The following MAPK6 variants were observed in gnomAD, a reference collection of about 807,000 sequenced individuals.
The protein encoded by MAPK6 is ERK-3.
A neutral mutation model predicts 59.3 loss-of-function variants in MAPK6; 19 were observed. The ratio of observed to expected loss-of-function variants is 0.32; its 90% CI spans 0.22 to 0.47. The LOEUF (loss-of-function observed/expected upper bound fraction) is 0.47. Ranked by LOEUF, MAPK6 falls within the 20% of genes least tolerant of loss-of-function variation. The pLI is 1.00. For missense variants in MAPK6, 724 were observed against 847.9 expected (o/e 0.85, Z 1.81); for synonymous variants, 316 against 290.3 (o/e 1.09, Z -0.90).
intron 2 of MAPK6, among the ~76,000 whole-genome samples, chr15:51,994,462 G>T (rs1490963955): frequency 2.6e-5 from 4 of 152,164 alleles, no homozygotes; most frequent in Non-Finnish European, 5.9e-5. Flanking sequence ...GTTCGTCTGA[G>T]GTTTCATCAT....
intron 3 of MAPK6, among the ~76,000 whole-genome samples, chr15:52,006,901 G>A (rs2029904961): frequency 1.3e-5 from 2 of 152,060 alleles, no homozygotes; most frequent in Non-Finnish European, 2.9e-5. Flanking sequence ...ACTGAGTTAT[G>A]TTCCCAAAAG....
chr15:52,058,859 G>A, intron 4 of MAPK6, 62 bp downstream of exon 4: 1 of 1,392,606 alleles, frequency 7.2e-7, no homozygotes, highest in Non-Finnish European at 9.6e-7. Flanking sequence ...ATCTGTGTAG[G>A]GAAGCTGGAG....
chr15:52,031,207 A>G (rs963072112), intron 1 of MAPK6, among the ~76,000 whole-genome samples: 1 of 152,186 alleles, frequency 6.6e-6, no homozygotes. Flanking sequence ...TGCCGGGACT[A>G]CAGGTGTGAG....
chr15:52,020,897 G>A (rs1345050134), intron 1 of MAPK6, among the ~76,000 whole-genome samples: 1 of 152,184 alleles, frequency 6.6e-6, no homozygotes, highest in African/African-American at 2.4e-5. Flanking sequence ...CCTGAATTCA[G>A]TAATTGCAGT....
intron 1 of MAPK6, among the ~76,000 whole-genome samples, chr15:52,029,133 G>A (rs1450698872): frequency 6.6e-6 from 1 of 152,184 alleles, no homozygotes; most frequent in Non-Finnish European, 1.5e-5. Flanking sequence ...CATCTACTGG[G>A]TTCAAGTGAT....
intron 1 of MAPK6, among the ~76,000 whole-genome samples, chr15:51,972,132 C>G (rs1378010806): frequency 1.3e-5 from 2 of 149,460 alleles, no homozygotes; most frequent in Non-Finnish European, 1.5e-5. Context: ...TCATCCCAAA[C>G]CCCTTTACCC....
At chr15:52,031,284 G>A (rs2031023366) in intron 1 of MAPK6, among the ~76,000 whole-genome samples, 1 of 152,224 alleles carries the variant, frequency 6.6e-6, no homozygotes, top group Non-Finnish European at 1.5e-5. Context: ...AGGTTGGGGA[G>A]TGAAGGGAGA....
chr15:51,998,687 A>ATT lies in MAPK6; in HGVS notation c.-769-5558_-769-5557dup, dbSNP rs964775744. 5.5e-3 allele frequency among the ~76,000 whole-genome samples: 212 copies of ATT among 38,492 alleles called. 52 individuals are homozygous for ATT. Among genetic ancestry groups the ATT allele is most frequent in the African/African-American group, 0.015 (175 of 11,372 alleles). 25.3% of individuals were successfully genotyped at this position (38,492 alleles called of 152,430 possible). ...AGGCGTGCGCCACCATGCCTGGTTA[A>ATT]TTTTTTTTTTTTTTTTTTTTTGAGA... is the stretch of plus-strand genomic sequence containing the variant. On this transcript the variant is annotated intron_variant, in intron 2 of 7. Transcript: ENST00000691380.
chr15:52,003,217 A>T (rs1337048262), intron 2 of MAPK6, among the ~76,000 whole-genome samples: 1 of 152,052 alleles, frequency 6.6e-6, no homozygotes, highest in Non-Finnish European at 1.5e-5. Context: ...AAACAAAAAA[A>T]ACACGATCAG....
intron 2 of MAPK6, among the ~76,000 whole-genome samples, chr15:52,002,485 T>G (rs2057244825): frequency 6.6e-6 from 1 of 152,192 alleles, no homozygotes; most frequent in Non-Finnish European, 1.5e-5. Flanking sequence ...GAGACGGACT[T>G]CAGTGTACAG....
At chr15:52,012,985 T>C (rs762061855) in intron 3 of MAPK6, among the ~76,000 whole-genome samples, 5 of 29,538 alleles carry the variant, frequency 1.7e-4, no homozygotes, top group Non-Finnish European at 3.0e-4. Flanking sequence ...AGACTCCGCC[T>C]GGAAAAAAAA....
rs1479118776 is a variant in MAPK6, at chr15:52,065,709, AATT to A, written c.*711_*713del. On this transcript the variant is annotated 3_prime_UTR_variant, in exon 6 of 6. Transcript: ENST00000261845. The stretch of plus-strand genomic sequence containing the variant: ...ATATTTTCTGTATTTAATTATAAAA[AATT>A]AACTTAGTTTTTAAAATTTATTTGC... The A allele has an allele frequency of 6.7e-6, 1 of 149,966 alleles. No homozygotes were observed. The highest frequency in any genetic ancestry group is 2.5e-5 in the African/African-American group (1 of 40,460). 9.3% of individuals were successfully genotyped at this position (149,966 alleles called of 1,614,324 possible). A position where few individuals can be genotyped will look rare whatever the true frequency, so the allele number is the denominator to read the frequency against.
At chr15:51,975,295 C>T (rs1393924151) in intron 1 of MAPK6, among the ~76,000 whole-genome samples, 1 of 151,744 alleles carries the variant, frequency 6.6e-6, no homozygotes, top group South Asian at 2.1e-4. Flanking sequence ...GTAATCCCAG[C>T]ACTTTGGGAG....
At chr15:52,010,071 T>A (rs2030010751) in intron 3 of MAPK6, among the ~76,000 whole-genome samples, 1 of 152,006 alleles carries the variant, frequency 6.6e-6, no homozygotes, top group Non-Finnish European at 1.5e-5. Flanking sequence ...GTGCCTGGCC[T>A]TAAGTAATTT....
At chr15:51,977,657 C>G (rs2057161256) in intron 1 of MAPK6, among the ~76,000 whole-genome samples, 1 of 151,930 alleles carries the variant, frequency 6.6e-6, no homozygotes, top group Non-Finnish European at 1.5e-5. Flanking sequence ...CCACCTCGGC[C>G]TCCTGAGTAG....
chr15:51,982,868 G>C (rs867143588), intron 1 of MAPK6, among the ~76,000 whole-genome samples: 8 of 152,148 alleles, frequency 5.3e-5, no homozygotes, highest in African/African-American at 1.9e-4. Flanking sequence ...AAAGAATCCA[G>C]TGAAGATTTT....
chr15:52,064,809 G>A lies in MAPK6; in HGVS notation c.1975G>A (p.Glu659Lys), dbSNP rs746820376. 2 of 1,611,834 alleles carry A rather than the reference G, an allele frequency of 1.2e-6. No individual in the cohort carries two copies. The highest frequency in any genetic ancestry group is 4.5e-5 in the East Asian group (2 of 44,894). ...DGKLGERGHEEGFLNNSGEFL... is the reference protein window; with the variant it reads ...DGKLGERGHEKGFLNNSGEFL... ...GAAGCTTGGGGAGAGAGGACATGAG[G>A]AAGGATTTCTGAACAACAGTGGGGA... Residue 659 changes from glutamate (E) to lysine (K), a missense_variant, in exon 6 of 6, where the codon GAA becomes AAA. Coordinates refer to ENST00000261845, the MANE Select transcript of MAPK6 (RefSeq NM_002748.4).
intron 1 of MAPK6, among the ~76,000 whole-genome samples, chr15:52,025,171 G>T (rs533949425): frequency 6.6e-6 from 1 of 152,180 alleles, no homozygotes; most frequent in East Asian, 1.9e-4. Context: ...AGCCCAGGAG[G>T]TTGAGGCTGC....
chr15:52,056,942 C>G (rs906171447), intron 3 of MAPK6: 2 of 152,210 alleles, frequency 1.3e-5, no homozygotes, highest in African/African-American at 4.8e-5. Context: ...TGTCTAATAA[C>G]AAAGTTAACC....
Sources: allele counts gnomAD v4.1 joint callset (sites outside exome capture counted in the v4.1 genomes callset), GRCh38; gene constraint gnomAD v4.1.1; transcripts MANE v1.5; gene names NCBI Gene and HGNC (gene_info 2026-07-23, HGNC 2026-07-21).